PLPPR1: variants seen among roughly 807,000 people sequenced by gnomAD.
PLPPR1 encodes phospholipid phosphatase-related protein type 1.
Under a neutral mutation model 33.1 loss-of-function variants are expected in PLPPR1, and 10 were observed. The ratio of observed to expected loss-of-function variants is 0.30; its 90% confidence interval spans 0.19 to 0.51. The LOEUF (loss-of-function observed/expected upper bound fraction) is 0.51. Among genes scored for constraint, PLPPR1 ranks in the 20% least tolerant of loss-of-function variants. The pLI is 0.97. For missense variants in PLPPR1, 304 were observed against 408.1 expected, an observed-to-expected ratio of 0.74 and a Z score of 2.20; for synonymous variants, 151 against 151.0, an observed-to-expected ratio of 1.00 and a Z score of 0.00.
intron 1 of PLPPR1, among the ~76,000 whole-genome samples, chr9:101,148,529 A>G (rs1308883076): frequency 1.3e-5 from 2 of 151,810 alleles, no homozygotes; most frequent in Non-Finnish European, 2.9e-5. Context: ...TGTATTCCCT[A>G]CTCCCATTAT....
intron 2 of PLPPR1, among the ~76,000 whole-genome samples, chr9:101,221,493 A>G (rs764334736): frequency 7.9e-5 from 12 of 152,206 alleles, no homozygotes; most frequent in Non-Finnish European, 1.5e-4. Context: ...GCAGAGCCAG[A>G]CTGACCCCCT....
rs570459565 is a variant in PLPPR1, at chr9:101,199,377, T to A, written c.63+13820T>A. On this transcript the variant is annotated intron_variant, in intron 2 of 7. Transcript: ENST00000374874. ...CCTGTGGCAGGGGCTTGAAAATATT[T>A]TCCCAAGATTTCTAACCAGCATATG... Among the ~76,000 whole-genome samples, 31 of 152,338 alleles carry A rather than the reference T, an allele frequency of 2.0e-4. No homozygotes were observed. In the South Asian group the frequency reaches 6.4e-3, roughly 32 times the overall value.
At chr9:101,185,159 A>G in intron 1 of PLPPR1, 1 of 241,090 alleles carries the variant, frequency 4.1e-6, no homozygotes, top group African/African-American at 2.2e-5. Context: ...CTACTGGGGT[A>G]AGGCACTATG....
intron 1 of PLPPR1, among the ~76,000 whole-genome samples, chr9:101,168,027 T>C (rs1443160186): frequency 6.6e-6 from 1 of 151,898 alleles, no homozygotes; most frequent in Non-Finnish European, 1.5e-5. Context: ...CTGAGACTTA[T>C]TCACTATCAT....
At chr9:101,237,771 C>T in intron 2 of PLPPR1, among the ~76,000 whole-genome samples, 1 of 132,536 alleles carries the variant, frequency 7.5e-6, no homozygotes, top group African/African-American at 2.8e-5. Flanking sequence ...TATATATATT[C>T]CATTGTGTAT....
In PLPPR1 at chr9:101,134,373, T is replaced by C. The variant is rs1318920797; in HGVS notation, c.-45-51077T>C. Among the ~76,000 whole-genome samples the C allele has an allele frequency of 4.9e-4, 72 of 145,830 alleles. 1 individual carries two copies. In the Admixed American group the frequency reaches 5.2e-3, roughly 11 times the overall value. ...AAGTGTCAAGTGATATATTGTGGTC[T>C]GTAAGAACAGGATTTTTTTTTTTTT... On this transcript the variant is annotated intron_variant, in intron 1 of 7. Coordinates refer to ENST00000374874, the MANE Select transcript of PLPPR1 (RefSeq NM_207299.2).
At chr9:101,047,825 T>A (rs1564129936) in intron 1 of PLPPR1, among the ~76,000 whole-genome samples, 2 of 152,208 alleles carry the variant, frequency 1.3e-5, no homozygotes, top group African/African-American at 4.8e-5. Context: ...AATACCCTCC[T>A]GTCTTTGAGC....
intron 1 of PLPPR1, among the ~76,000 whole-genome samples, chr9:101,129,263 G>A (rs1476263625): frequency 1.3e-5 from 2 of 151,984 alleles, no homozygotes; most frequent in Non-Finnish European, 2.9e-5. Context: ...ATTCACCACT[G>A]GTGATAATGT....
At chr9:101,137,757 C>T (rs79251251) in intron 1 of PLPPR1, among the ~76,000 whole-genome samples, 2,799 of 152,268 alleles carry the variant, frequency 0.018, 42 homozygotes, top group Non-Finnish European at 0.027. Context: ...AATAGTTTGC[C>T]TCTGAAATAG....
At chr9:101,097,497 A>C (rs1241721515) in intron 1 of PLPPR1, among the ~76,000 whole-genome samples, 1 of 152,212 alleles carries the variant, frequency 6.6e-6, no homozygotes, top group African/African-American at 2.4e-5. Context: ...TCTGTCAAAC[A>C]TGTGAACAAG....
intron 5 of PLPPR1, among the ~76,000 whole-genome samples, chr9:101,311,908 T>TA (rs1162310475): frequency 1.3e-5 from 2 of 152,170 alleles, no homozygotes; most frequent in Non-Finnish European, 2.9e-5. Flanking sequence ...AAAGGTTAGC[T>TA]AAAAAAGTGT....
At chr9:101,177,803 AGTT>A (rs1294708865) in intron 1 of PLPPR1, among the ~76,000 whole-genome samples, 3 of 152,168 alleles carry the variant, frequency 2.0e-5, no homozygotes, top group African/African-American at 4.8e-5. Context: ...ATTTCTATTA[AGTT>A]GTTAGTCTTT....
chr9:101,212,019 G>C (rs1826700997), intron 2 of PLPPR1, among the ~76,000 whole-genome samples: 1 of 151,778 alleles, frequency 6.6e-6, no homozygotes, highest in South Asian at 2.1e-4. Flanking sequence ...TACATCCTTT[G>C]CTTTTTTTGC....
At chr9:101,243,609 T>A (rs766580154) in intron 2 of PLPPR1, among the ~76,000 whole-genome samples, 4 of 151,502 alleles carry the variant, frequency 2.6e-5, no homozygotes, top group Non-Finnish European at 4.4e-5. Flanking sequence ...CTTCAGGAGG[T>A]GGAGGGAGGG....
intron 1 of PLPPR1, among the ~76,000 whole-genome samples, chr9:101,142,568 C>T (rs1831465019): frequency 6.6e-6 from 1 of 152,170 alleles, no homozygotes; most frequent in Non-Finnish European, 1.5e-5. Flanking sequence ...CGTATCTTCG[C>T]CTGCTTCAGC....
At chr9:101,209,514 A>G (rs1826651318) in intron 2 of PLPPR1, among the ~76,000 whole-genome samples, 1 of 152,206 alleles carries the variant, frequency 6.6e-6, no homozygotes, top group South Asian at 2.1e-4. Context: ...CCACAGCCCA[A>G]CAATCTGTGC....
intron 1 of PLPPR1, among the ~76,000 whole-genome samples, chr9:101,045,312 T>G (rs1033061156): frequency 1.3e-5 from 2 of 152,238 alleles, no homozygotes; most frequent in African/African-American, 2.4e-5. Context: ...AGTTAGACAA[T>G]AGTTGAAACT....
chr9:101,249,665 T>C (rs1446459387), intron 2 of PLPPR1, among the ~76,000 whole-genome samples: 2 of 152,086 alleles, frequency 1.3e-5, no homozygotes, highest in Admixed American at 6.6e-5. Flanking sequence ...TTTTGAACAA[T>C]GAAGATGGTC....
chr9:101,224,728 G>A (rs757136011), intron 2 of PLPPR1, among the ~76,000 whole-genome samples: 39 of 152,146 alleles, frequency 2.6e-4, no homozygotes, highest in Non-Finnish European at 4.7e-4. Context: ...CCATGTCTGT[G>A]GGTTTTCTCT....
Sources: allele counts gnomAD v4.1 joint callset (sites outside exome capture counted in the v4.1 genomes callset), GRCh38; gene constraint gnomAD v4.1.1; transcripts MANE v1.5; gene names NCBI Gene and HGNC (gene_info 2026-07-23, HGNC 2026-07-21).